Variants in DYNC1H1 observed in about 807,000 individuals in gnomAD.
DYNC1H1 encodes cytoplasmic dynein 1 heavy chain 1.
A neutral mutation model predicts 527.1 loss-of-function variants in DYNC1H1; 51 were observed. The ratio of observed to expected loss-of-function variants is 0.10; its 90% CI spans 0.08 to 0.12. DYNC1H1 has a LOEUF of 0.12. Ranked by LOEUF, DYNC1H1 falls within the 10% of genes least tolerant of loss-of-function variation. The pLI, the probability that DYNC1H1 is intolerant of heterozygous loss-of-function variation, is 1.00. For synonymous variants in DYNC1H1, 2,189 were observed against 2,278.8 expected (o/e 0.96, Z 1.12); for missense variants, 2,771 against 5,971.8 (o/e 0.46, Z 17.66).
At chr14:102,035,154 C>A (rs1277750163) in intron 56 of DYNC1H1, 1 of 153,652 alleles carries the variant, frequency 6.5e-6, no homozygotes, top group Non-Finnish European at 1.4e-5. Context: ...CGCTTGAACC[C>A]GGGAGGCAGA....
rs2048646965 is a variant in DYNC1H1, at chr14:102,041,351, A to G, written c.11942-223A>G. On this transcript the variant is annotated intron_variant, in intron 64 of 77. Transcript: ENST00000360184. This position sits in a 1 kb window ranked among gnomAD's most constrained non-coding sequence, Gnocchi z 4.5. Reference sequence around the variant, plus strand: ...AGTAATCTAAAAATCAGCAAATGGCACCTTTGTCCTATGGATACATCCAGG... The same window carrying G: ...AGTAATCTAAAAATCAGCAAATGGCGCCTTTGTCCTATGGATACATCCAGG... The G allele has an allele frequency of 1.5e-6, 1 of 658,742 alleles. No homozygotes were observed. 40.8% of individuals were successfully genotyped at this position (658,742 alleles called of 1,614,324 possible).
Position 102,015,726 on chromosome 14 carries a change from C to G in DYNC1H1, c.7243-130C>G, listed in dbSNP as rs1202205136. ...AACCACCAGGGTGAAGGAATGAGGA[C>G]TGGTCATTGAAGCTTCATCCAAAAT... On this transcript the variant is annotated intron_variant, in intron 35 of 77. Coordinates refer to ENST00000360184, the MANE Select transcript of DYNC1H1 (RefSeq NM_001376.5). The surrounding 1 kb of genome is among the most constrained non-coding windows in gnomAD (Gnocchi z 6.9). 9.7e-7 allele frequency: 1 copy of G among 1,030,758 alleles called. No individual in the cohort carries two copies. Among genetic ancestry groups the G allele is most frequent in the Non-Finnish European group, 1.5e-6 (1 of 686,842 alleles). The allele number at this position is 1,030,758 out of a possible 1,614,324, so 63.9% of individuals were successfully genotyped here. A position where few individuals can be genotyped will look rare whatever the true frequency, so the allele number is the denominator to read the frequency against.
Position 102,042,075 on chromosome 14 carries a change from C to G in DYNC1H1, c.12165C>G (p.Val4055=). 1 of 1,614,078 alleles carries G rather than the reference C, an allele frequency of 6.2e-7. No homozygotes were observed. The highest frequency in any genetic ancestry group is 1.1e-5 in the South Asian group (1 of 91,072). Residue 4055 remains valine, a synonymous_variant, in exon 66 of 78, where the codon GTC becomes GTG. Transcript: ENST00000360184. This position sits in a 1 kb window ranked among gnomAD's most constrained non-coding sequence, Gnocchi z 5.7. ...CTGGTTATGATGCCAGTGGACATGT[C>G]GAGGACCTTGCAGCCGAGCAGAACA... is the stretch of plus-strand genomic sequence containing the variant. ...SVPGYDASGH[V]EDLAAEQNTQ...
At position 101,980,292 on chromosome 14, in the gene DYNC1H1, T is replaced by C. The variant is rs1225977679; in HGVS notation, c.775-72T>C. ...TATAAAAATTGAGTTGTAATGCATG[T>C]GTTTTGTTAACGATATCTATTCTAC... On this transcript the variant is annotated intron_variant, in intron 4 of 77. Coordinates refer to ENST00000360184, the MANE Select transcript of DYNC1H1 (RefSeq NM_001376.5). The C allele has an allele frequency of 7.7e-6, 12 of 1,551,806 alleles. No homozygotes were observed. The Admixed American group carries it at 2.0e-4, about 26-fold the overall frequency.
rs772290316 is a variant in DYNC1H1, at chr14:102,019,908, G to A, written c.8359G>A (p.Asp2787Asn). The change falls in exon 42 of 78, where the codon GAT becomes AAT. Residue 2787 changes from aspartate to asparagine, a missense_variant. Coordinates refer to ENST00000360184, the MANE Select transcript of DYNC1H1 (RefSeq NM_001376.5). ...ATTGCCATAGGAGAGATTCACCCAG[G>A]ATACACAACCTCACTATATCTATTC... ...YTMSQERFTQ[D>N]TQPHYIYSPR... The A allele has an allele frequency of 6.2e-7, 1 of 1,614,140 alleles. No individual in the cohort carries two copies. Among genetic ancestry groups the A allele is most frequent in the South Asian group, 1.1e-5 (1 of 91,074 alleles).
Position 102,029,496 on chromosome 14 carries a change from A to G in DYNC1H1, c.9469-43A>G. On this transcript the variant is annotated intron_variant, in intron 48 of 77. Coordinates refer to ENST00000360184, the MANE Select transcript of DYNC1H1 (RefSeq NM_001376.5). The surrounding 1 kb of genome is among the most constrained non-coding windows in gnomAD (Gnocchi z 5.3). ...AAATTGTTTTCTGAGGTTAAGTCACAGAGTTTCCTGAAGAGTGAGAAGATG... is the reference window on the plus strand; with the variant it reads ...AAATTGTTTTCTGAGGTTAAGTCACGGAGTTTCCTGAAGAGTGAGAAGATG... 1 of 1,613,824 alleles carries G rather than the reference A, an allele frequency of 6.2e-7. No individual in the cohort carries two copies. Among genetic ancestry groups the G allele is most frequent in the Non-Finnish European group, 8.5e-7 (1 of 1,179,848 alleles).
chr14:102,027,400 A>C lies in DYNC1H1; in HGVS notation c.8904A>C (p.Thr2968=), dbSNP rs1307944527. 1 of 1,614,034 alleles carries C rather than the reference A, an allele frequency of 6.2e-7. No individual in the cohort carries two copies. The highest frequency in any genetic ancestry group is 1.3e-5 in the African/African-American group (1 of 74,918). The change falls in exon 46 of 78, where the codon ACA becomes ACC. Residue 2968 remains threonine (T), a synonymous_variant. Coordinates refer to ENST00000360184, the MANE Select transcript of DYNC1H1 (RefSeq NM_001376.5). The surrounding 1 kb of genome is among the most constrained non-coding windows in gnomAD (Gnocchi z 7.7). ...TTCTGTAGGTCCATAGGAAGTACAC[A>C]GGGGAAGACTTTGATGAAGATCTAC... is the stretch of plus-strand genomic sequence containing the variant. ...VYQIKVHRKY[T]GEDFDEDLRT... is the part of the protein sequence containing the mutation.
intron 1 of DYNC1H1, among the ~76,000 whole-genome samples, chr14:101,968,444 G>A (rs552017412): frequency 3.3e-5 from 5 of 152,154 alleles, no homozygotes; most frequent in Admixed American, 3.3e-4. Flanking sequence ...ATGTTGCCCA[G>A]GCTGGTCTGG....
chr14:101,988,892 A>G (rs1567000262), intron 10 of DYNC1H1, 40 bp downstream of exon 10: 1 of 1,613,262 alleles, frequency 6.2e-7, no homozygotes, highest in South Asian at 1.1e-5. Context: ...AATAAGTGAA[A>G]TAACAAAACT....
intron 7 of DYNC1H1, among the ~76,000 whole-genome samples, chr14:101,984,553 C>T (rs1434493257): frequency 7.0e-6 from 1 of 142,094 alleles, no homozygotes; most frequent in African/African-American, 2.6e-5. Flanking sequence ...CTCTGGGGTT[C>T]AAGCAATTCT....
intron 15 of DYNC1H1, among the ~76,000 whole-genome samples, chr14:101,995,532 A>G (rs767389265): frequency 1.3e-5 from 2 of 148,316 alleles, no homozygotes; most frequent in Non-Finnish European, 3.0e-5. Flanking sequence ...AATGGCATGA[A>G]CCCGGGAGGC....
rs1567012071 is a variant in DYNC1H1 at position 102,015,305 on chromosome 14, G to A, written c.7215G>A (p.Gly2405=). 5 of 1,613,692 alleles carry A rather than the reference G, an allele frequency of 3.1e-6. No individual in the cohort carries two copies. Among genetic ancestry groups the A allele is most frequent in the African/African-American group, 1.3e-5 (1 of 75,040 alleles). ...QRRRKGKEDE[G]EEAASPMLQI... is the part of the protein sequence containing the mutation. Reference sequence around the variant, plus strand: ...GGCGTAAGGGCAAAGAGGATGAGGGGGAGGAGGCCGCTTCCCCCATGCTGC... The same window carrying A: ...GGCGTAAGGGCAAAGAGGATGAGGGAGAGGAGGCCGCTTCCCCCATGCTGC... Residue 2405 remains glycine (G), a synonymous_variant, in exon 35 of 78, where the codon GGG becomes GGA. Coordinates refer to ENST00000360184, the MANE Select transcript of DYNC1H1 (RefSeq NM_001376.5). This position sits in a 1 kb window ranked among gnomAD's most constrained non-coding sequence, Gnocchi z 6.9.
chr14:102,029,987 T>A lies in DYNC1H1; in HGVS notation c.9762+49T>A, dbSNP rs1341788796. 1 of 1,613,490 alleles carries A rather than the reference T, an allele frequency of 6.2e-7. No individual in the cohort carries two copies. Among genetic ancestry groups the A allele is most frequent in the Non-Finnish European group, 8.5e-7 (1 of 1,179,962 alleles). On this transcript the variant is annotated intron_variant, in intron 50 of 77. Transcript: ENST00000360184. The surrounding 1 kb of genome is among the most constrained non-coding windows in gnomAD (Gnocchi z 5.3). Reference sequence around the variant, plus strand: ...CTGTAAGGACTGAGCATTTTCAGTCTCCAATGAGAGAGTAGGAAATGTAGT... The same window carrying A: ...CTGTAAGGACTGAGCATTTTCAGTCACCAATGAGAGAGTAGGAAATGTAGT...
At position 101,985,236 on chromosome 14, in the gene DYNC1H1, T is replaced by C. The variant is rs915796707; in HGVS notation, c.1462-451T>C. 1.3e-5 allele frequency among the ~76,000 whole-genome samples: 2 copies of C among 152,208 alleles called. No individual in the cohort carries two copies. The highest frequency in any genetic ancestry group is 4.8e-5 in the African/African-American group (2 of 41,456). ...AGAGTCCTTCTCTGTAAAACATGGA[T>C]AGTAATTACATATGCCTGAGATTTA... is the stretch of plus-strand genomic sequence containing the variant. On this transcript the variant is annotated intron_variant, in intron 7 of 77. Transcript: ENST00000360184. The surrounding 1 kb of genome is among the most constrained non-coding windows in gnomAD (Gnocchi z 5.9).
In DYNC1H1 at chr14:101,997,312, C is replaced by T; in HGVS notation, c.3804+38C>T. ...AGGTGGGGACGCAGGAGACTCCTCACCCAGCAGTGTGATTTGGTGACTTTC... is the reference window on the plus strand; with the variant it reads ...AGGTGGGGACGCAGGAGACTCCTCATCCAGCAGTGTGATTTGGTGACTTTC... On this transcript the variant is annotated intron_variant, in intron 16 of 77. Transcript: ENST00000360184. The surrounding 1 kb of genome is among the most constrained non-coding windows in gnomAD (Gnocchi z 4.8). 6.2e-7 allele frequency: 1 copy of T among 1,613,686 alleles called. No homozygotes were observed. The highest frequency in any genetic ancestry group is 8.5e-7 in the Non-Finnish European group (1 of 1,179,946).
Position 102,016,461 on chromosome 14 carries a change from C to A in DYNC1H1, c.7586C>A (p.Ala2529Glu). ...RRITTVPLPT[A>E]PNIPIIDYEV... Reference sequence around the variant, plus strand: ...ATCACGACCGTGCCTCTGCCCACTGCGCCCAACATACCCATTATCGATTAT... The same window carrying A: ...ATCACGACCGTGCCTCTGCCCACTGAGCCCAACATACCCATTATCGATTAT... Residue 2529 changes from alanine to glutamate, a missense_variant, in exon 37 of 78, where the codon GCG (alanine) becomes GAG (glutamate). This residue lies in a region of DYNC1H1 where 71 missense variants were observed against 143.6 expected (regional missense o/e 0.49). Transcript: ENST00000360184. This position sits in a 1 kb window ranked among gnomAD's most constrained non-coding sequence, Gnocchi z 7.3. 1.9e-6 allele frequency: 3 copies of A among 1,614,216 alleles called. No homozygotes were observed. The highest frequency in any genetic ancestry group is 2.5e-6 in the Non-Finnish European group (3 of 1,180,038).
At position 102,047,965 on chromosome 14, in the gene DYNC1H1, C is replaced by G. The variant is rs1336353690; in HGVS notation, c.13155C>G (p.Ser4385=). The change falls in exon 73 of 78, where the codon TCC becomes TCG. Residue 4385 remains serine (S), a synonymous_variant. Transcript: ENST00000360184. The part of the protein sequence containing the change: ...AWMRTLHTTA[S]NWLHLIPQTL... ...TGCGGACACTGCACACCACCGCGTC[C>G]AACTGGCTGCACCTCATCCCCCAGA... The G allele has an allele frequency of 6.2e-7, 1 of 1,612,918 alleles. No individual in the cohort carries two copies. Among genetic ancestry groups the G allele is most frequent in the East Asian group, 2.2e-5 (1 of 44,868 alleles).
intron 1 of DYNC1H1, among the ~76,000 whole-genome samples, chr14:101,975,199 A>C (rs891329743): frequency 2.0e-5 from 3 of 152,208 alleles, no homozygotes; most frequent in Non-Finnish European, 2.9e-5. Flanking sequence ...TTATGGAGAA[A>C]ACAAGGATAA....
chr14:102,012,258 C>G lies in DYNC1H1; in HGVS notation c.6858-56C>G. 1 of 1,613,472 alleles carries G rather than the reference C, an allele frequency of 6.2e-7. No homozygotes were observed. The highest frequency in any genetic ancestry group is 1.7e-5 in the Admixed American group (1 of 60,014). On this transcript the variant is annotated intron_variant, in intron 33 of 77. Transcript: ENST00000360184. This position sits in a 1 kb window ranked among gnomAD's most constrained non-coding sequence, Gnocchi z 4.9. ...TCAGAAACCATCATCGGTAAACATG[C>G]CTAATGTTAAAATCTTGATTTAATC...
Sources: gnomAD v4.1 joint callset for allele counts (sites outside exome capture counted in the v4.1 genomes callset) on GRCh38, gnomAD v4.1.1 for gene constraint, gnomAD v4.1.1 regional missense constraint, Gnocchi (gnomAD v3.1) non-coding constraint, MANE v1.5 for transcripts, NCBI Gene and HGNC (gene_info 2026-07-23, HGNC 2026-07-21) for gene names.